DST: variants seen among roughly 807,000 people sequenced by gnomAD.
The protein encoded by DST is bullous pemphigoid antigen.
Under a neutral mutation model 875.2 loss-of-function variants are expected in DST, and 253 were observed. The observed-to-expected ratio is 0.29, with a 90% CI of 0.26 to 0.32. The LOEUF (loss-of-function observed/expected upper bound fraction) is 0.32. DST is among the 10% of genes least tolerant of loss of function. The probability of loss-of-function intolerance (pLI) is 1.00; values close to 1 mark genes in which losing one functional copy is unlikely to be tolerated. For synonymous variants in DST, 3,124 were observed against 3,197.1 expected (o/e 0.98, Z 0.77); for missense variants, 8,287 against 9,111.6 (o/e 0.91, Z 3.68).
Position 56,471,188 on chromosome 6 carries a change from C to T in DST, c.22239G>A (p.Val7413=), listed in dbSNP as rs1249383956. 1 of 1,606,980 alleles carries T rather than the reference C, an allele frequency of 6.2e-7. No homozygotes were observed. The highest frequency in any genetic ancestry group is 8.5e-7 in the Non-Finnish European group (1 of 1,176,234). ...MRWMNHKKSR[V]MDFFRRIDKD... ...TATCAATTCTCCTGAAGAAGTCCAT[C>T]ACTCGAGATTTCTTGTGATTCATCC... is the stretch of plus-strand genomic sequence containing the variant. Residue 7413 remains valine, a synonymous_variant, in exon 95 of 104, where the codon GTG becomes GTA. Transcript: ENST00000680361.
intron 4 of DST, among the ~76,000 whole-genome samples, chr6:56,779,320 C>G (rs930610174): frequency 6.6e-6 from 1 of 151,952 alleles, no homozygotes; most frequent in Non-Finnish European, 1.5e-5. Flanking sequence ...AAAAATTTCT[C>G]CCATTCTGTA....
intron 4 of DST, among the ~76,000 whole-genome samples, chr6:56,808,743 A>G (rs533784311): frequency 2.2e-4 from 33 of 152,208 alleles, no homozygotes; most frequent in South Asian, 6.2e-4. Flanking sequence ...GTAAGATTCA[A>G]TTGAGAGGTT....
At chr6:56,614,820 C>T in intron 36 of DST, 1 of 1,001,882 alleles carries the variant, frequency 1.0e-6, no homozygotes, top group Non-Finnish European at 1.2e-6. Flanking sequence ...CATTACAATC[C>T]TAATTGTCCT....
intron 9 of DST, among the ~76,000 whole-genome samples, chr6:56,690,672 T>C (rs2099222462): frequency 6.6e-6 from 1 of 152,172 alleles, no homozygotes; most frequent in African/African-American, 2.4e-5. Context: ...ACAAAAGGAA[T>C]GTTGGTTAAT....
intron 5 of DST, among the ~76,000 whole-genome samples, chr6:56,728,973 T>TACACACAC (rs35066414): frequency 1.5e-3 from 193 of 132,096 alleles, no homozygotes; most frequent in African/African-American, 2.7e-3. Flanking sequence ...ATAAAAAAAG[T>TACACACAC]ACACACACAC....
chr6:56,662,268 C>A (rs1377194497), intron 10 of DST, among the ~76,000 whole-genome samples: 2 of 152,120 alleles, frequency 1.3e-5, no homozygotes, highest in Non-Finnish European at 2.9e-5. Flanking sequence ...ATGTAATACC[C>A]TTTGTCCCAG....
At chr6:56,651,290 T>C (rs968159991) in intron 10 of DST, 46 bp from the exon 11 acceptor site, 5 of 1,141,880 alleles carry the variant, frequency 4.4e-6, no homozygotes, top group Admixed American at 2.3e-5. Flanking sequence ...CATGTGCCAA[T>C]TCAACATTAT....
chr6:56,903,818 A>G (rs537684724), intron 2 of DST, among the ~76,000 whole-genome samples: 2 of 152,282 alleles, frequency 1.3e-5, no homozygotes, highest in East Asian at 3.9e-4. Flanking sequence ...ATTCCACCTT[A>G]ACATTTTTTC....
intron 50 of DST, among the ~76,000 whole-genome samples, chr6:56,578,368 G>A (rs1429243495): frequency 2.0e-5 from 3 of 151,882 alleles, no homozygotes; most frequent in Admixed American, 6.6e-5. Context: ...AGTAACCCCT[G>A]TCTCTAAAAA....
Position 56,482,766 on chromosome 6 carries a change from T to A in DST, c.21319A>T (p.Met7107Leu). ...RDDSSWVKVQ[M>L]QELSTRWETV... ...TCCCAGCGTGTGCTTAATTCCTGCA[T>A]CTGGACCTTGACCCAGGAGGAGTCA... The change falls in exon 89 of 104, where the codon ATG (methionine) becomes TTG (leucine). Residue 7107 changes from methionine (M) to leucine (L), a missense_variant. By Grantham distance (15) the Met-to-Leu change is conservative. Transcript: ENST00000680361. 1.2e-6 allele frequency: 2 copies of A among 1,613,870 alleles called. No homozygotes were observed. The highest frequency in any genetic ancestry group is 1.7e-6 in the Non-Finnish European group (2 of 1,179,830).
intron 4 of DST, among the ~76,000 whole-genome samples, chr6:56,782,176 A>C (rs934812555): frequency 1.3e-4 from 20 of 152,266 alleles, no homozygotes; most frequent in South Asian, 6.2e-4. Context: ...ATATTGGTCT[A>C]AAATTCTCTT....
intron 4 of DST, among the ~76,000 whole-genome samples, chr6:56,805,684 C>T (rs1046026729): frequency 6.6e-6 from 1 of 152,168 alleles, no homozygotes; most frequent in Non-Finnish European, 1.5e-5. Flanking sequence ...AAGAGTGTAA[C>T]TTAAATTAAT....
intron 36 of DST, among the ~76,000 whole-genome samples, chr6:56,617,813 T>C (rs1464299381): frequency 6.6e-6 from 1 of 152,210 alleles, no homozygotes; most frequent in Non-Finnish European, 1.5e-5. Context: ...AGTTAATTTA[T>C]GATAAAGATT....
At chr6:56,703,622 A>T in intron 7 of DST, 26 bp downstream of exon 7, 1 of 897,586 alleles carries the variant, frequency 1.1e-6, no homozygotes, top group Non-Finnish European at 1.3e-6. Context: ...CGGCTAGGTT[A>T]GTCAAGTTAT....
intron 4 of DST, among the ~76,000 whole-genome samples, chr6:56,795,718 A>C (rs924814080): frequency 1.3e-5 from 2 of 152,134 alleles, no homozygotes; most frequent in Non-Finnish European, 1.5e-5. Flanking sequence ...TAAGAATCAC[A>C]ATCCTATAAT....
chr6:56,785,157 A>T (rs2099702540), intron 4 of DST, among the ~76,000 whole-genome samples: 1 of 152,176 alleles, frequency 6.6e-6, no homozygotes. Context: ...CCTCCCAGTT[A>T]GGCTGCTCGG....
chr6:56,778,394 T>A (rs1035646671), intron 4 of DST, among the ~76,000 whole-genome samples: 1 of 151,732 alleles, frequency 6.6e-6, no homozygotes, highest in Non-Finnish European at 1.5e-5. Flanking sequence ...ATTTTTTTTT[T>A]AATTATACTT....
At chr6:56,469,771 T>A (rs1204913639) in intron 97 of DST, 112 bp downstream of exon 97, 8 of 885,872 alleles carry the variant, frequency 9.0e-6, no homozygotes, top group Non-Finnish European at 1.5e-5. Context: ...AATTTTGACA[T>A]GAGGTAAAAA....
intron 4 of DST, among the ~76,000 whole-genome samples, chr6:56,799,044 G>A (rs181632396): frequency 6.6e-6 from 1 of 152,334 alleles, no homozygotes; most frequent in Non-Finnish European, 1.5e-5. Context: ...GGTTTCTTGA[G>A]GCAGAATCTA....
Sources: gnomAD v4.1 joint callset for allele counts (sites outside exome capture counted in the v4.1 genomes callset) on GRCh38, gnomAD v4.1.1 for gene constraint, MANE v1.5 for transcripts, NCBI Gene and HGNC (gene_info 2026-07-23, HGNC 2026-07-21) for gene names.